DNAH12: variants seen among roughly 807,000 people sequenced by gnomAD.
The protein encoded by DNAH12 is axonemal beta dynein heavy chain 12.
A neutral mutation model predicts 371.5 loss-of-function variants in DNAH12; 285 were observed. The ratio of observed to expected loss-of-function variants is 0.77; its 90% CI spans 0.70 to 0.85. DNAH12 has a LOEUF of 0.85. Among genes scored for constraint, DNAH12 ranks in the 40% least tolerant of loss-of-function variants. DNAH12 has a pLI of 0.00. For synonymous variants in DNAH12, 1,200 were observed against 1,213.0 expected, an observed-to-expected ratio of 0.99 and a Z score of 0.22; for missense variants, 3,611 against 3,689.4, an observed-to-expected ratio of 0.98 and a Z score of 0.55.
chr3:57,538,487 T>G (rs1344149767), intron 2 of DNAH12, among the ~76,000 whole-genome samples: 1 of 152,192 alleles, frequency 6.6e-6, no homozygotes, highest in Non-Finnish European at 1.5e-5. Context: ...TGCCAAACCC[T>G]TTGATTTGTG....
At chr3:57,303,409 T>C (rs2061404301) in intron 69 of DNAH12, among the ~76,000 whole-genome samples, 1 of 148,978 alleles carries the variant, frequency 6.7e-6, no homozygotes, top group South Asian at 2.1e-4. Context: ...CTTTCTTTTC[T>C]TTTTCTTTTT....
chr3:57,451,353 G>A (rs1468389604), intron 25 of DNAH12, among the ~76,000 whole-genome samples: 4 of 152,104 alleles, frequency 2.6e-5, no homozygotes, highest in South Asian at 2.1e-4. Flanking sequence ...GATAACGGCC[G>A]GGCCCAGTGG....
intron 40 of DNAH12, among the ~76,000 whole-genome samples, chr3:57,407,653 A>G (rs1403872139): frequency 2.6e-5 from 4 of 152,016 alleles, no homozygotes; most frequent in Non-Finnish European, 5.9e-5. Context: ...GCCTTTAAAT[A>G]TATTGTTTCC....
chr3:57,462,430 T>G (rs2066081175), intron 18 of DNAH12, among the ~76,000 whole-genome samples: 1 of 152,106 alleles, frequency 6.6e-6, no homozygotes, highest in East Asian at 1.9e-4. Flanking sequence ...TTTTGTATTT[T>G]TAGTAGGGAT....
At chr3:57,551,564 C>T in the DNAH12 span, among the ~76,000 whole-genome samples, 1 of 152,172 alleles carries the variant, frequency 6.6e-6, no homozygotes, top group Non-Finnish European at 1.5e-5. Flanking sequence ...GCCACCGCGC[C>T]CGGCCACAAA....
At chr3:57,316,567 G>A (rs929728537) in intron 65 of DNAH12, among the ~76,000 whole-genome samples, 3 of 152,056 alleles carry the variant, frequency 2.0e-5, no homozygotes, top group Non-Finnish European at 2.9e-5. Context: ...TGAGCTGTAC[G>A]ACTGATATCG....
chr3:57,322,203 T>C (rs1040081043), intron 65 of DNAH12, 140 bp downstream of exon 65: 4 of 918,868 alleles, frequency 4.4e-6, no homozygotes, highest in African/African-American at 3.4e-5. Context: ...ATAAGTACAA[T>C]TTTTGTCTTG....
intron 43 of DNAH12, among the ~76,000 whole-genome samples, chr3:57,400,473 T>C (rs1176886919): frequency 6.6e-6 from 1 of 152,166 alleles, no homozygotes; most frequent in African/African-American, 2.4e-5. Context: ...GGGGATACAT[T>C]CCAAGACCCC....
intron 68 of DNAH12, 87 bp from the exon 69 acceptor site, chr3:57,309,341 T>A: frequency 9.5e-7 from 1 of 1,048,250 alleles, no homozygotes; most frequent in Non-Finnish European, 1.4e-6. Flanking sequence ...TAGCTAATAC[T>A]AGGGTGTATA....
At chr3:57,443,693 A>C (rs548163065) in intron 29 of DNAH12, among the ~76,000 whole-genome samples, 215 of 152,168 alleles carry the variant, frequency 1.4e-3, no homozygotes, top group Non-Finnish European at 2.4e-3. Context: ...ATCTGTGTTA[A>C]GGACTGTTTC....
At chr3:57,312,466 C>G (rs1429002701) in intron 66 of DNAH12, among the ~76,000 whole-genome samples, 7 of 152,296 alleles carry the variant, frequency 4.6e-5, no homozygotes, top group Middle Eastern at 3.4e-3. Context: ...CACTTAGCCC[C>G]ATCAGTTTTC....
intron 34 of DNAH12, among the ~76,000 whole-genome samples, chr3:57,425,445 G>T (rs930658250): frequency 6.6e-6 from 1 of 151,098 alleles, no homozygotes; most frequent in African/African-American, 2.4e-5. Context: ...ACTCTGTCAC[G>T]CAGGCTAGAG....
At chr3:57,401,563 C>CAAAAA (rs71294714) in intron 43 of DNAH12, among the ~76,000 whole-genome samples, 15 of 67,986 alleles carry the variant, frequency 2.2e-4, no homozygotes, top group East Asian at 3.3e-4. Context: ...GACTCCATCT[C>CAAAAA]AAAAAAAAAA....
chr3:57,352,584 A>T (rs1423887890), intron 59 of DNAH12, among the ~76,000 whole-genome samples: 1 of 151,902 alleles, frequency 6.6e-6, no homozygotes, highest in Non-Finnish European at 1.5e-5. Context: ...AATATGGTTT[A>T]CACCATCTCT....
rs1305693477 is a variant in DNAH12, at chr3:57,445,379, G to A, written c.4220C>T (p.Ala1407Val). 1.5e-5 allele frequency: 23 copies of A among 1,549,440 alleles called. No homozygotes were observed. Among genetic ancestry groups the A allele is most frequent in the South Asian group, 8.4e-5 (7 of 83,418 alleles). ...RTVAMMVPNY[A>V]LIAEISLYSY... The stretch of plus-strand genomic sequence containing the variant: ...GTAGAGGGAGATTTCTGCTATAAGC[G>A]CATAGTTTGGAACCATCATAGCCAC... The change falls in exon 28 of 74, where the codon GCG becomes GTG. Residue 1407 changes from alanine to valine, a missense_variant. Physicochemically the swap from Ala to Val is moderately conservative, Grantham distance 64 (BLOSUM62 0). Around this residue, in one of 3 missense-constraint regions of DNAH12, gnomAD observed 2,266 missense variants for 2,236.9 expected, o/e 1.01. Coordinates refer to ENST00000495027, the MANE Select transcript of DNAH12 (RefSeq NM_001366028.2).
chr3:57,441,451 G>A (rs1471542592), intron 29 of DNAH12, among the ~76,000 whole-genome samples: 1 of 152,174 alleles, frequency 6.6e-6, no homozygotes, highest in Non-Finnish European at 1.5e-5. Flanking sequence ...ACATGTCACT[G>A]AAGTTCCGGA....
intron 5 of DNAH12, 132 bp downstream of exon 5, chr3:57,510,658 A>C: frequency 1.2e-6 from 1 of 813,478 alleles, no homozygotes; most frequent in Non-Finnish European, 1.9e-6. Context: ...TAAAAAGAAA[A>C]GAAGAAAAAA....
chr3:57,399,898 T>C (rs1465424363), intron 43 of DNAH12, among the ~76,000 whole-genome samples: 3 of 152,248 alleles, frequency 2.0e-5, no homozygotes, highest in African/African-American at 7.2e-5. Context: ...GTTTAATACA[T>C]ATAACATACA....
chr3:57,424,090 CATTA>C lies in DNAH12; in HGVS notation c.5373+928_5373+931del, dbSNP rs533407135. On this transcript the variant is annotated intron_variant, in intron 35 of 73. Coordinates refer to ENST00000495027, the MANE Select transcript of DNAH12 (RefSeq NM_001366028.2). ...TTATGTTGCCTAAATGCTGGCTTAACATTAATTAATAAAATTAATTCACCTAATG... is the reference window on the plus strand; with the variant it reads ...TTATGTTGCCTAAATGCTGGCTTAACATTAATAAAATTAATTCACCTAATG... 2.4e-4 allele frequency among the ~76,000 whole-genome samples: 37 copies of C among 152,266 alleles called. 1 individual carries two copies. The East Asian group carries it at 7.1e-3, about 29-fold the overall frequency.
Sources: allele counts gnomAD v4.1 joint callset (sites outside exome capture counted in the v4.1 genomes callset), GRCh38; gene constraint gnomAD v4.1.1; regional missense constraint gnomAD v4.1.1; transcripts MANE v1.5; gene names NCBI Gene and HGNC (gene_info 2026-07-23, HGNC 2026-07-21).